GALNTL6: variants seen among roughly 807,000 people sequenced by gnomAD.
GALNTL6 encodes the protein polypeptide N-acetylgalactosaminyltransferase like 6, also known as polypeptide N-acetylgalactosaminyltransferase-like 6.
In GALNTL6, 46 loss-of-function variants were observed where a neutral mutation model predicts 73.7. That is an observed-to-expected ratio of 0.62 (90% CI 0.49 to 0.80). The LOEUF (loss-of-function observed/expected upper bound fraction) is 0.80, where lower values mean the gene tolerates loss of function less well. Among genes scored for constraint, GALNTL6 ranks in the 30% least tolerant of loss-of-function variants. The probability of loss-of-function intolerance (pLI) is 0.00; values close to 1 mark genes in which losing one functional copy is unlikely to be tolerated. For missense variants in GALNTL6, 604 were observed against 755.0 expected (o/e 0.80, Z 2.34); for synonymous variants, 259 against 263.7 (o/e 0.98, Z 0.17).
intron 2 of GALNTL6, among the ~76,000 whole-genome samples, chr4:172,083,061 A>G (rs1475874356): frequency 6.6e-6 from 1 of 152,114 alleles, no homozygotes; most frequent in Non-Finnish European, 1.5e-5. Flanking sequence ...TCAGGACAAA[A>G]ACTTTAGTGT....
chr4:172,704,993 A>C (rs965474266), intron 5 of GALNTL6, among the ~76,000 whole-genome samples: 1 of 152,030 alleles, frequency 6.6e-6, no homozygotes, highest in Non-Finnish European at 1.5e-5. Flanking sequence ...CTAACATGAA[A>C]GTATAGCTAC....
At chr4:172,366,083 C>T (rs1742548613) in intron 5 of GALNTL6, among the ~76,000 whole-genome samples, 1 of 152,136 alleles carries the variant, frequency 6.6e-6, no homozygotes, top group African/African-American at 2.4e-5. Context: ...TTTTTCCTCA[C>T]TTTTTCTTAC....
chr4:172,212,627 C>G (rs1736362583), intron 2 of GALNTL6, among the ~76,000 whole-genome samples: 1 of 152,086 alleles, frequency 6.6e-6, no homozygotes, highest in South Asian at 2.1e-4. Flanking sequence ...CTCTTCCCTG[C>G]CCCTTCATGA....
chr4:172,101,678 T>C (rs969652776), intron 2 of GALNTL6, among the ~76,000 whole-genome samples: 7 of 152,180 alleles, frequency 4.6e-5, no homozygotes, highest in Non-Finnish European at 8.8e-5. Context: ...TAATTTAATA[T>C]ACTCTTTGAA....
intron 5 of GALNTL6, among the ~76,000 whole-genome samples, chr4:172,606,619 G>GTATATATATAC (rs1161560310): frequency 9.1e-5 from 3 of 33,018 alleles, no homozygotes; most frequent in African/African-American, 1.4e-4. Context: ...TACATATATA[G>GTATATATATAC]TATATATATA....
At chr4:172,871,790 G>GTTTTTTT (rs1744957728) in intron 7 of GALNTL6, among the ~76,000 whole-genome samples, 2 of 46,052 alleles carry the variant, frequency 4.3e-5, no homozygotes, top group South Asian at 1.4e-3. Context: ...TTTGTTTTTT[G>GTTTTTTT]GGGTTTTTTT....
At chr4:172,582,271 C>T (rs1737220432) in intron 5 of GALNTL6, among the ~76,000 whole-genome samples, 1 of 152,204 alleles carries the variant, frequency 6.6e-6, no homozygotes, top group Non-Finnish European at 1.5e-5. Context: ...GCTATGCTCA[C>T]TTAATAACTA....
chr4:172,230,053 T>A (rs1244930127), intron 3 of GALNTL6, among the ~76,000 whole-genome samples: 21 of 152,152 alleles, frequency 1.4e-4, no homozygotes, highest in Non-Finnish European at 4.4e-5. Context: ...ATCCTGGGAT[T>A]TATCAATGAG....
intron 5 of GALNTL6, among the ~76,000 whole-genome samples, chr4:172,553,255 A>G (rs896783014): frequency 1.3e-5 from 2 of 152,184 alleles, no homozygotes; most frequent in African/African-American, 4.8e-5. Context: ...GGCGATGGGA[A>G]TATGTTTAGC....
At chr4:172,308,211 A>C (rs1357825343) in intron 3 of GALNTL6, among the ~76,000 whole-genome samples, 1 of 150,796 alleles carries the variant, frequency 6.6e-6, no homozygotes. Flanking sequence ...AAAGTAGTAA[A>C]CTAAGAGTTT....
chr4:172,013,137 G>A (rs574794517), intron 2 of GALNTL6, among the ~76,000 whole-genome samples: 78 of 152,166 alleles, frequency 5.1e-4, no homozygotes, highest in African/African-American at 1.8e-3. Context: ...AGGGTAATTA[G>A]CAAACCCATC....
intron 5 of GALNTL6, among the ~76,000 whole-genome samples, chr4:172,530,361 G>A (rs573095953): frequency 2.6e-5 from 4 of 152,110 alleles, no homozygotes; most frequent in Admixed American, 2.0e-4. Context: ...AATGCTACTC[G>A]CCTACCTTCT....
chr4:171,963,278 C>T (rs1206385094), intron 2 of GALNTL6, among the ~76,000 whole-genome samples: 2 of 152,044 alleles, frequency 1.3e-5, no homozygotes, highest in African/African-American at 4.8e-5. Flanking sequence ...TAGGAGTACA[C>T]CCAGGTCATT....
intron 2 of GALNTL6, among the ~76,000 whole-genome samples, chr4:172,083,166 T>A (rs1160671779): frequency 6.6e-6 from 1 of 152,186 alleles, no homozygotes; most frequent in African/African-American, 2.4e-5. Flanking sequence ...ATAAGTTTTT[T>A]CATCACTTCC....
chr4:172,019,206 C>T (rs1057104692), intron 2 of GALNTL6, among the ~76,000 whole-genome samples: 2 of 152,274 alleles, frequency 1.3e-5, no homozygotes, highest in African/African-American at 4.8e-5. Context: ...AGTCTCCACA[C>T]AATCTTCTTT....
At chr4:171,930,621 G>C (rs180716631) in intron 2 of GALNTL6, among the ~76,000 whole-genome samples, 38 of 152,066 alleles carry the variant, frequency 2.5e-4, no homozygotes, top group Non-Finnish European at 1.5e-4. Flanking sequence ...GATCACCTGA[G>C]GTCAGGAGTT....
chr4:171,850,605 C>T (rs1198456753), intron 2 of GALNTL6, among the ~76,000 whole-genome samples: 1 of 152,202 alleles, frequency 6.6e-6, no homozygotes, highest in Non-Finnish European at 1.5e-5. Flanking sequence ...CCCTTGCCAG[C>T]ATGGCCTTAA....
At chr4:172,546,509 A>G (rs1449582334) in intron 5 of GALNTL6, among the ~76,000 whole-genome samples, 1 of 148,628 alleles carries the variant, frequency 6.7e-6, no homozygotes, top group South Asian at 2.1e-4. Context: ...AAAAAAAAAG[A>G]CTGCTATACC....
chr4:173,012,840 C>T (rs1053522931), intron 11 of GALNTL6, among the ~76,000 whole-genome samples: 8 of 152,188 alleles, frequency 5.3e-5, no homozygotes, highest in African/African-American at 1.9e-4. Context: ...ATTATTCACT[C>T]AAATGCGCCC....
Sources: allele counts gnomAD v4.1 joint callset (sites outside exome capture counted in the v4.1 genomes callset), GRCh38; gene constraint gnomAD v4.1.1; transcripts MANE v1.5; gene names NCBI Gene and HGNC (gene_info 2026-07-23, HGNC 2026-07-21).